COG2: variants seen among roughly 807,000 people sequenced by gnomAD.
COG2 encodes the protein component of oligomeric golgi complex 2.
In COG2, 52 loss-of-function variants were observed where a neutral mutation model predicts 90.6. The ratio of observed to expected loss-of-function variants is 0.57; its 90% confidence interval spans 0.46 to 0.72. COG2 has a LOEUF of 0.72. COG2 is among the 30% of genes least tolerant of loss of function. The probability of loss-of-function intolerance (pLI) is 0.00; values close to 1 mark genes in which losing one functional copy is unlikely to be tolerated. For synonymous variants in COG2, 337 were observed against 320.4 expected (o/e 1.05, Z -0.55); for missense variants, 829 against 891.2 (o/e 0.93, Z 0.89).
At chr1:230,667,996 C>T (rs1354473737) in intron 5 of COG2, among the ~76,000 whole-genome samples, 1 of 152,038 alleles carries the variant, frequency 6.6e-6, no homozygotes, top group African/African-American at 2.4e-5. Flanking sequence ...CACTAGGACC[C>T]ACAGCATGTA....
chr1:230,666,412 A>G (rs1662324473), intron 5 of COG2, among the ~76,000 whole-genome samples: 1 of 151,806 alleles, frequency 6.6e-6, no homozygotes, highest in Non-Finnish European at 1.5e-5. Flanking sequence ...CAGTTCTCCC[A>G]TTGCCTCGTT....
Position 230,642,598 on chromosome 1 carries a change from G to A in COG2, c.-9G>A. The A allele has an allele frequency of 6.2e-7, 1 of 1,610,292 alleles. No homozygotes were observed. Among genetic ancestry groups the A allele is most frequent in the Non-Finnish European group, 8.5e-7 (1 of 1,178,516 alleles). ...TGGATCTTGGCACTGAGAGGCGGTG[G>A]CCGGCGGGATGGAGAAAAGTAGGAT... On this transcript the variant is annotated 5_prime_UTR_variant, in exon 1 of 18. Coordinates refer to ENST00000366669, the MANE Select transcript of COG2 (RefSeq NM_007357.3).
chr1:230,653,826 C>A (rs748370339), intron 1 of COG2, among the ~76,000 whole-genome samples: 30 of 152,232 alleles, frequency 2.0e-4, no homozygotes, highest in South Asian at 4.1e-4. Context: ...CAGGAGCATA[C>A]AAGAGCAAGA....
Position 230,664,480 on chromosome 1 carries a change from A to G in COG2, c.382-4A>G. ...TAACTTTTTTCCTTAATTTTTATTT[A>G]TAGATGTGTGTATTGAGGCTTATAC... On this transcript the variant is annotated splice_polypyrimidine_tract_variant and splice_region_variant and intron_variant, in intron 4 of 17. Coordinates refer to ENST00000366669, the MANE Select transcript of COG2 (RefSeq NM_007357.3). The G allele has an allele frequency of 7.7e-7, 1 of 1,297,214 alleles. No individual in the cohort carries two copies. The highest frequency in any genetic ancestry group is 1.1e-6 in the Non-Finnish European group (1 of 937,564). The allele number at this position is 1,297,214 out of a possible 1,614,324, so 80.4% of individuals were successfully genotyped here. A position where few individuals can be genotyped will look rare whatever the true frequency, so the allele number is the denominator to read the frequency against.
At chr1:230,646,289 A>G (rs573416487) in intron 1 of COG2, among the ~76,000 whole-genome samples, 3 of 152,050 alleles carry the variant, frequency 2.0e-5, no homozygotes, top group Non-Finnish European at 4.4e-5. Flanking sequence ...CTTCTCACCA[A>G]AGTTAACTAG....
chr1:230,650,522 A>G (rs1258281722), intron 1 of COG2, among the ~76,000 whole-genome samples: 5 of 152,006 alleles, frequency 3.3e-5, no homozygotes, highest in African/African-American at 1.2e-4. Flanking sequence ...ATGTCTGTTC[A>G]TGTCTTTTGC....
In COG2 at chr1:230,687,096, G is replaced by T. The variant is rs758412933; in HGVS notation, c.1542G>T (p.Val514=). The change falls in exon 13 of 18, where the codon GTG becomes GTT. Residue 514 remains valine, a synonymous_variant. Coordinates refer to ENST00000366669, the MANE Select transcript of COG2 (RefSeq NM_007357.3). The part of the protein sequence containing the change: ...PVVSISRTQL[V]YVVADLDKLQ... ...TTTCCATTTCCCGCACTCAGCTCGTGTATGTGGTTGCAGACCTGGACAAGC... is the reference window on the plus strand; with the variant it reads ...TTTCCATTTCCCGCACTCAGCTCGTTTATGTGGTTGCAGACCTGGACAAGC... The T allele has an allele frequency of 1.2e-6, 2 of 1,613,250 alleles. No homozygotes were observed. The highest frequency in any genetic ancestry group is 3.3e-5 in the Admixed American group (2 of 59,922).
chr1:230,691,760 C>A (rs771007406), intron 17 of COG2, 196 bp downstream of exon 17: 13 of 542,970 alleles, frequency 2.4e-5, no homozygotes, highest in Non-Finnish European at 4.2e-5. Context: ...TGAGAATTCC[C>A]GTTTTGAAGT....
Position 230,659,156 on chromosome 1 carries a change from T to A in COG2, c.73-308T>A, listed in dbSNP as rs117358939. The stretch of plus-strand genomic sequence containing the variant: ...ACATTGAACATTTGTTACTTTAAAA[T>A]TAAGGGGAAACGTTTCTGTTTTGAG... On this transcript the variant is annotated intron_variant, in intron 1 of 17. Transcript: ENST00000366669. Among the ~76,000 whole-genome samples the A allele has an allele frequency of 1.6e-4, 24 of 152,324 alleles. No individual in the cohort carries two copies. The East Asian group carries it at 4.6e-3, about 29-fold the overall frequency.
chr1:230,669,687 A>G (rs1243096906), intron 7 of COG2, 152 bp downstream of exon 7: 13 of 645,510 alleles, frequency 2.0e-5, no homozygotes, highest in Admixed American at 6.3e-5. Context: ...ATTGGTCTCC[A>G]TGGGTTATAG....
chr1:230,684,707 A>C (rs1327473607), intron 11 of COG2, among the ~76,000 whole-genome samples: 1 of 152,248 alleles, frequency 6.6e-6, no homozygotes, highest in African/African-American at 2.4e-5. Flanking sequence ...AGATAGAGGA[A>C]GACTCTTGTG....
chr1:230,681,803 C>G (rs986796080), intron 10 of COG2: 1 of 152,208 alleles, frequency 6.6e-6, no homozygotes, highest in Non-Finnish European at 1.5e-5. Context: ...GACTGCACAG[C>G]AGAGCTGTGT....
At chr1:230,645,050 C>G (rs143001870) in intron 1 of COG2, among the ~76,000 whole-genome samples, 37 of 151,970 alleles carry the variant, frequency 2.4e-4, no homozygotes, top group Admixed American at 1.0e-3. Context: ...CACTGAGCAA[C>G]ATAGTGAGAA....
intron 1 of COG2, 28 bp downstream of exon 1, chr1:230,642,706 C>T (rs1490236783): frequency 6.2e-7 from 1 of 1,603,944 alleles, no homozygotes. Context: ...TCCCCGGAGC[C>T]GGGCCATGAG....
intron 9 of COG2, among the ~76,000 whole-genome samples, chr1:230,677,430 C>G (rs576673536): frequency 6.6e-6 from 1 of 152,308 alleles, no homozygotes; most frequent in South Asian, 2.1e-4. Context: ...GTTTACCATT[C>G]CAGAAATGCA....
chr1:230,644,398 T>C (rs998741446), intron 1 of COG2, among the ~76,000 whole-genome samples: 4 of 152,242 alleles, frequency 2.6e-5, no homozygotes, highest in African/African-American at 7.2e-5. Context: ...TGCACTTCCA[T>C]GGCAGAAAGG....
chr1:230,683,569 C>G lies in COG2; in HGVS notation c.1167-5C>G, dbSNP rs764744096. The G allele has an allele frequency of 3.4e-5, 54 of 1,604,968 alleles. No homozygotes were observed. Among genetic ancestry groups the G allele is most frequent in the Non-Finnish European group, 4.4e-5 (52 of 1,172,166 alleles). On this transcript the variant is annotated splice_polypyrimidine_tract_variant and splice_region_variant and intron_variant, in intron 10 of 17. Transcript: ENST00000366669. The stretch of plus-strand genomic sequence containing the variant: ...CATTAATTCTTCTTCTTGTTTTTAT[C>G]TCAGATTTAGAGAAATAGCGGGATC...
intron 8 of COG2, among the ~76,000 whole-genome samples, chr1:230,672,054 T>C (rs1672075003): frequency 6.6e-6 from 1 of 152,198 alleles, no homozygotes; most frequent in South Asian, 2.1e-4. Context: ...TTGTTCAGTT[T>C]CCATGACTTC....
intron 11 of COG2, 63 bp from the exon 12 acceptor site, chr1:230,685,022 T>C: frequency 6.4e-7 from 1 of 1,573,994 alleles, no homozygotes; most frequent in Non-Finnish European, 8.6e-7. Context: ...AGTCTCACAT[T>C]AGACTATAGC....
Sources: gnomAD v4.1 joint callset for allele counts (sites outside exome capture counted in the v4.1 genomes callset) on GRCh38, gnomAD v4.1.1 for gene constraint, MANE v1.5 for transcripts, NCBI Gene and HGNC (gene_info 2026-07-23, HGNC 2026-07-21) for gene names.